ANTXRL: variants seen among roughly 807,000 people sequenced by gnomAD.
The protein encoded by ANTXRL is anthrax toxin receptor-like.
Under a neutral mutation model 75.4 loss-of-function variants are expected in ANTXRL, and 63 were observed. The ratio of observed to expected loss-of-function variants is 0.84; its 90% CI spans 0.68 to 1.03. The LOEUF (loss-of-function observed/expected upper bound fraction) is 1.03, where lower values mean the gene tolerates loss of function less well. Ranked by LOEUF, ANTXRL falls within the 50% of genes least tolerant of loss-of-function variation. ANTXRL has a pLI of 0.00. For missense variants in ANTXRL, 797 were observed against 789.4 expected (o/e 1.01, Z -0.12); for synonymous variants, 335 against 291.3 (o/e 1.15, Z -1.53).
intron 16 of ANTXRL, among the ~76,000 whole-genome samples, chr10:46,314,355 C>T (rs3013794): frequency 0.054 from 8,187 of 152,122 alleles, 372 homozygotes; most frequent in African/African-American, 0.13. Context: ...ACTTTCCATC[C>T]GAGGTCCCAT....
In ANTXRL at chr10:46,287,248, A is replaced by G. The variant is rs1554955430; in HGVS notation, c.-15A>G. 5 of 1,534,972 alleles carry G rather than the reference A, an allele frequency of 3.3e-6. No homozygotes were observed. Among genetic ancestry groups the G allele is most frequent in the Middle Eastern group, 1.7e-4 (1 of 5,810 alleles). On this transcript the variant is annotated 5_prime_UTR_variant, in exon 1 of 17. Transcript: ENST00000620264. Reference sequence around the variant, plus strand: ...GCACCCAAGAGTGAGGTGGGGTCACAGGGACAGCCAGATAATGGGGAGCCA... The same window carrying G: ...GCACCCAAGAGTGAGGTGGGGTCACGGGGACAGCCAGATAATGGGGAGCCA...
At chr10:46,322,729 A>G (rs1394979731) in intron 16 of ANTXRL, among the ~76,000 whole-genome samples, 1 of 152,186 alleles carries the variant, frequency 6.6e-6, no homozygotes, top group East Asian at 1.9e-4. Flanking sequence ...TATGCTTAAC[A>G]TTGAATTTAC....
Position 46,306,963 on chromosome 10 carries a change from C to A in ANTXRL, c.965+91C>A. On this transcript the variant is annotated intron_variant, in intron 11 of 16. Transcript: ENST00000620264. ...TGTACAAAATGTGGATGCCCCCCAC[C>A]CCCTGCTGGGACAGCACATATCTGT... is the stretch of plus-strand genomic sequence containing the variant. 6.4e-6 allele frequency: 7 copies of A among 1,095,872 alleles called. No homozygotes were observed. The South Asian group carries it at 6.4e-5, about 10-fold the overall frequency. 67.9% of individuals were successfully genotyped at this position (1,095,872 alleles called of 1,614,324 possible).
chr10:46,308,775 T>A (rs115230635), intron 12 of ANTXRL: 9 of 378,354 alleles, frequency 2.4e-5, no homozygotes, highest in African/African-American at 1.9e-4. Context: ...CCCCTGCTCC[T>A]GTGCCTGCAC....
intron 9 of ANTXRL, among the ~76,000 whole-genome samples, chr10:46,300,174 C>T (rs1207146516): frequency 2.0e-5 from 3 of 152,212 alleles, no homozygotes; most frequent in Non-Finnish European, 2.9e-5. Flanking sequence ...CCTCTGCTCA[C>T]GTGGCCCGGC....
rs1262189623 is a variant in ANTXRL, at chr10:46,300,467, C to G, written c.797-2255C>G. Among the ~76,000 whole-genome samples, 6 of 152,272 alleles carry G rather than the reference C, an allele frequency of 3.9e-5. No individual in the cohort carries two copies. The East Asian group carries it at 1.2e-3, about 29-fold the overall frequency. ...GTGGCCTCACCGCTCAAGGCCCATCCTGAGCCCATCCCCCACACATGGCTG... is the reference window on the plus strand; with the variant it reads ...GTGGCCTCACCGCTCAAGGCCCATCGTGAGCCCATCCCCCACACATGGCTG... On this transcript the variant is annotated intron_variant, in intron 9 of 16. Coordinates refer to ENST00000620264, the MANE Select transcript of ANTXRL (RefSeq NM_001278688.3).
chr10:46,313,449 A>G, intron 16 of ANTXRL, 133 bp downstream of exon 16: 2 of 937,278 alleles, frequency 2.1e-6, no homozygotes, highest in African/African-American at 1.6e-5. Context: ...GACACACAGA[A>G]ACGGTGCCCA....
At chr10:46,303,378 C>T (rs1837874718) in intron 10 of ANTXRL, among the ~76,000 whole-genome samples, 1 of 152,168 alleles carries the variant, frequency 6.6e-6, no homozygotes, top group African/African-American at 2.4e-5. Context: ...CTCAATTTAA[C>T]ATGGAGGCAA....
chr10:46,320,828 G>A (rs1164376572), intron 16 of ANTXRL, among the ~76,000 whole-genome samples: 2 of 152,112 alleles, frequency 1.3e-5, no homozygotes, highest in Non-Finnish European at 2.9e-5. Flanking sequence ...ACCACATTTA[G>A]TTTTTAAAAA....
At position 46,301,980 on chromosome 10, in the gene ANTXRL, T is replaced by C. The variant is rs1837776906; in HGVS notation, c.797-742T>C. On this transcript the variant is annotated intron_variant, in intron 9 of 16. Coordinates refer to ENST00000620264, the MANE Select transcript of ANTXRL (RefSeq NM_001278688.3). ...ACCTGCATGTGTCCCCTGTGGTCTT[T>C]GGGTCAGGGCAGGAGCTACAGTGGT... 2.0e-5 allele frequency among the ~76,000 whole-genome samples: 3 copies of C among 152,184 alleles called. No homozygotes were observed. The South Asian group carries it at 6.2e-4, about 32-fold the overall frequency.
rs2132918097 is a variant in ANTXRL at position 46,324,928 on chromosome 10, A to G, written c.1411-4671A>G. Among the ~76,000 whole-genome samples, 3 of 152,246 alleles carry G rather than the reference A, an allele frequency of 2.0e-5. 1 individual carries two copies. In the Middle Eastern group the frequency reaches 0.01, roughly 518 times the overall value. On this transcript the variant is annotated intron_variant, in intron 16 of 16. Coordinates refer to ENST00000620264, the MANE Select transcript of ANTXRL (RefSeq NM_001278688.3). ...TAGTAGAAAGGTATATTTTCTTGCAAATATCCTCAAGTTGATTAGGCGGGT... is the reference window on the plus strand; with the variant it reads ...TAGTAGAAAGGTATATTTTCTTGCAGATATCCTCAAGTTGATTAGGCGGGT...
chr10:46,296,253 G>A lies in ANTXRL; in HGVS notation c.508+1G>A, dbSNP rs1212145300. The A allele has an allele frequency of 3.3e-6, 5 of 1,535,842 alleles. No individual in the cohort carries two copies. The highest frequency in any genetic ancestry group is 1.4e-5 in the African/African-American group (1 of 73,130). ...CAGATCGAAAGTTTCAACTCCGGAA[G>A]TAAGCACCTGCCGTCCCCCTGGTGG... is the stretch of plus-strand genomic sequence containing the variant. On this transcript the variant is annotated splice_donor_variant, in intron 5 of 16. Coordinates refer to ENST00000620264, the MANE Select transcript of ANTXRL (RefSeq NM_001278688.3). LOFTEE classifies it high-confidence loss of function.
intron 12 of ANTXRL, chr10:46,308,763 T>C: frequency 2.7e-6 from 1 of 366,888 alleles, no homozygotes; most frequent in Non-Finnish European, 5.2e-6. Context: ...CCGGGTCTCC[T>C]GCCCCTGCTC....
intron 3 of ANTXRL, 74 bp downstream of exon 3, chr10:46,293,974 T>TCC: frequency 7.1e-7 from 1 of 1,404,628 alleles, no homozygotes; most frequent in Non-Finnish European, 9.6e-7. Flanking sequence ...GCTGAAGGGC[T>TCC]CCCGGAGACC....
In ANTXRL at chr10:46,292,086, G is replaced by A. The variant is rs1554956642; in HGVS notation, c.277G>A (p.Asp93Asn). The change falls in exon 2 of 17, where the codon GAC becomes AAC. Residue 93 changes from aspartate to asparagine, a missense_variant. Physicochemically the swap from Asp to Asn is conservative, Grantham distance 23. This residue lies in a region of ANTXRL where 262 missense variants were observed against 271.9 expected (regional missense o/e 0.96). Transcript: ENST00000620264. ...KSGSVNNNWI[D>N]LYMWVEETVA... is the part of the protein sequence containing the mutation. ...TGGCAGCGTGAACAATAACTGGATT[G>A]ACCTTTATATGTGGGTGGAGGAAAC... 8 of 1,536,192 alleles carry A rather than the reference G, an allele frequency of 5.2e-6. No homozygotes were observed. Among genetic ancestry groups the A allele is most frequent in the Non-Finnish European group, 6.1e-6 (7 of 1,146,826 alleles).
intron 16 of ANTXRL, among the ~76,000 whole-genome samples, chr10:46,315,075 G>A (rs1353400843): frequency 1.3e-5 from 2 of 152,138 alleles, no homozygotes; most frequent in South Asian, 2.1e-4. Context: ...TTAAGCCTTC[G>A]GTGTGCTGGC....
intron 2 of ANTXRL, among the ~76,000 whole-genome samples, chr10:46,293,264 A>T (rs1213001511): frequency 1.1e-5 from 1 of 95,234 alleles, no homozygotes; most frequent in African/African-American, 4.0e-5. Flanking sequence ...GGGTGTGTAT[A>T]CCTGTGCGTG....
chr10:46,320,012 G>A (rs1838906200), intron 16 of ANTXRL, among the ~76,000 whole-genome samples: 1 of 152,190 alleles, frequency 6.6e-6, no homozygotes, highest in South Asian at 2.1e-4. Flanking sequence ...GAATGTATAT[G>A]TCATCACCTC....
rs1554959567 is a variant in ANTXRL, at chr10:46,298,079, C to T, written c.796+17C>T. On this transcript the variant is annotated intron_variant, in intron 9 of 16. Transcript: ENST00000620264. ...GTGTAGGAGGTGAGAGCTGCGGAGG[C>T]CCTGGGGTAGCCAAAGGGTGGTGTG... 1 of 1,526,740 alleles carries T rather than the reference C, an allele frequency of 6.5e-7. No individual in the cohort carries two copies. Among genetic ancestry groups the T allele is most frequent in the Non-Finnish European group, 8.8e-7 (1 of 1,139,302 alleles). The allele number at this position is 1,526,740 out of a possible 1,614,324, so 94.6% of individuals were successfully genotyped here.
Sources: gnomAD v4.1 joint callset for allele counts (sites outside exome capture counted in the v4.1 genomes callset) on GRCh38, gnomAD v4.1.1 for gene constraint, gnomAD v4.1.1 regional missense constraint, MANE v1.5 for transcripts, NCBI Gene and HGNC (gene_info 2026-07-23, HGNC 2026-07-21) for gene names.